Variants in TXNL1 observed in about 807,000 individuals in gnomAD.
The protein encoded by TXNL1 is thioredoxin like 1.
A neutral mutation model predicts 35.5 loss-of-function variants in TXNL1; 14 were observed. The observed-to-expected ratio is 0.39, with a 90% CI of 0.26 to 0.62. TXNL1 has a LOEUF of 0.62. Among genes scored for constraint, TXNL1 ranks in the 20% least tolerant of loss-of-function variants. The pLI is 0.47. For synonymous variants in TXNL1, 110 were observed against 115.5 expected (o/e 0.95, Z 0.31); for missense variants, 263 against 349.7 (o/e 0.75, Z 1.98).
At chr18:56,604,728 A>G (rs1044333411) in intron 7 of TXNL1, among the ~76,000 whole-genome samples, 4 of 152,204 alleles carry the variant, frequency 2.6e-5, no homozygotes, top group Non-Finnish European at 5.9e-5. Context: ...AAAGCAGAGG[A>G]CATGCCCCAA....
intron 1 of TXNL1, among the ~76,000 whole-genome samples, chr18:56,635,783 C>T (rs368728498): frequency 8.4e-4 from 128 of 152,146 alleles, no homozygotes; most frequent in Non-Finnish European, 1.7e-3. Flanking sequence ...GGATTAGTTT[C>T]AGGACCTCCA....
intron 6 of TXNL1, 61 bp from the exon 7 acceptor site, chr18:56,611,158 T>A: frequency 1.8e-6 from 2 of 1,122,288 alleles, no homozygotes; most frequent in Non-Finnish European, 2.6e-6. Context: ...GCTTTAAGTT[T>A]AATCAATTTC....
intron 7 of TXNL1, among the ~76,000 whole-genome samples, chr18:56,606,575 T>G (rs2023897233): frequency 6.6e-6 from 1 of 152,130 alleles, no homozygotes; most frequent in Non-Finnish European, 1.5e-5. Flanking sequence ...CTGTCCAAAT[T>G]CTACTCTCAA....
intron 1 of TXNL1, among the ~76,000 whole-genome samples, chr18:56,628,869 G>A (rs922073085): frequency 2.0e-5 from 3 of 152,160 alleles, no homozygotes; most frequent in Non-Finnish European, 4.4e-5. Context: ...TAAAACTCAA[G>A]TTGTGATCAA....
intron 5 of TXNL1, among the ~76,000 whole-genome samples, chr18:56,615,470 T>TGGGGG (rs5825193): frequency 7.3e-6 from 1 of 136,324 alleles, no homozygotes. Flanking sequence ...AAAGAAAAAA[T>TGGGGG]GGGGGGGGGC....
In TXNL1 at chr18:56,599,771, C is replaced by G. The variant is rs1427431861; in HGVS notation, c.*3256G>C. 2 of 152,046 alleles carry G rather than the reference C, an allele frequency of 1.3e-5. No individual in the cohort carries two copies. The highest frequency in any genetic ancestry group is 2.9e-5 in the Non-Finnish European group (2 of 68,030). The allele number at this position is 152,046 out of a possible 1,614,324, so 9.4% of individuals were successfully genotyped here. A position where few individuals can be genotyped will look rare whatever the true frequency, so the allele number is the denominator to read the frequency against. ...ACAGGGTTTCTCCATGTTAGCCAGG[C>G]TGGTCTCAAACTCCTGACCTCAAGT... On this transcript the variant is annotated 3_prime_UTR_variant, in exon 8 of 8. Coordinates refer to ENST00000217515, the MANE Select transcript of TXNL1 (RefSeq NM_004786.3).
chr18:56,626,416 A>C lies in TXNL1; in HGVS notation c.140T>G (p.Met47Arg). Residue 47 changes from methionine (M) to arginine (R), a missense_variant, in exon 2 of 8, where the codon ATG becomes AGG. Transcript: ENST00000217515. The stretch of plus-strand genomic sequence containing the variant: ...AACAGCCTGTGGATATTTATTACTC[A>C]TAGAACTGAATGCTGGGGCAATCCT... Reference protein sequence around the residue: ...CLRIAPAFSSMSNKYPQAVFL... With the variant: ...CLRIAPAFSSRSNKYPQAVFL... 1.2e-6 allele frequency: 2 copies of C among 1,613,864 alleles called. No homozygotes were observed. Among genetic ancestry groups the C allele is most frequent in the Non-Finnish European group, 1.7e-6 (2 of 1,179,846 alleles).
chr18:56,616,669 G>A (rs1239883041), intron 4 of TXNL1, among the ~76,000 whole-genome samples: 1 of 152,164 alleles, frequency 6.6e-6, no homozygotes, highest in Non-Finnish European at 1.5e-5. Flanking sequence ...TTAGCACATA[G>A]CTCTACGATG....
chr18:56,631,750 G>A (rs954325340), intron 1 of TXNL1, among the ~76,000 whole-genome samples: 9 of 151,968 alleles, frequency 5.9e-5, no homozygotes, highest in Admixed American at 1.3e-4. Context: ...TGAAACCCCC[G>A]TCTCTACTAA....
chr18:56,611,016 T>C lies in TXNL1; in HGVS notation c.817A>G (p.Thr273Ala). ...FTFIGTPVQA[T>A]NMNDFKRVVG... is the part of the protein sequence containing the mutation. The stretch of plus-strand genomic sequence containing the variant: ...ACTCGTTTGAAGTCATTCATATTTG[T>C]TGCCTGGACTGGAGTACCAATAAAA... Residue 273 changes from threonine to alanine, a missense_variant, in exon 7 of 8, where the codon ACA becomes GCA. Thr to Ala is a moderately conservative substitution (Grantham distance 58). Transcript: ENST00000217515. 6.2e-7 allele frequency: 1 copy of C among 1,606,278 alleles called. No individual in the cohort carries two copies. Among genetic ancestry groups the C allele is most frequent in the Non-Finnish European group, 8.5e-7 (1 of 1,177,202 alleles).
At chr18:56,604,024 C>T (rs1166354276) in intron 7 of TXNL1, among the ~76,000 whole-genome samples, 2 of 152,232 alleles carry the variant, frequency 1.3e-5, no homozygotes, top group Non-Finnish European at 1.5e-5. Context: ...GGGTCAACAT[C>T]ATTCATGAGA....
intron 7 of TXNL1, chr18:56,609,874 C>T (rs768757968): frequency 3.9e-5 from 6 of 152,184 alleles, no homozygotes; most frequent in African/African-American, 9.7e-5. Context: ...AAGGTAATCA[C>T]GCTATGAGAC....
rs138428892 is a variant in TXNL1, at chr18:56,622,793, T to C, written c.369+1495A>G. On this transcript the variant is annotated intron_variant, in intron 3 of 7. Transcript: ENST00000217515. Reference sequence around the variant, plus strand: ...AAAAAATACAAAGATATAAACACAATGGTTTACAAGTTAAATGATTTCCAA... The same window carrying C: ...AAAAAATACAAAGATATAAACACAACGGTTTACAAGTTAAATGATTTCCAA... Among the ~76,000 whole-genome samples, 601 of 152,244 alleles carry C rather than the reference T, an allele frequency of 3.9e-3. 2 individuals carry two copies. Among genetic ancestry groups the C allele is most frequent in the Middle Eastern group, 0.017 (5 of 294 alleles).
At chr18:56,629,719 G>A (rs1455861500) in intron 1 of TXNL1, among the ~76,000 whole-genome samples, 2 of 152,148 alleles carry the variant, frequency 1.3e-5, no homozygotes, top group Non-Finnish European at 2.9e-5. Flanking sequence ...AGAATTTAGT[G>A]TTAACTGCAT....
At chr18:56,624,185 C>A (rs1212754970) in intron 3 of TXNL1, 103 bp downstream of exon 3, 2 of 1,275,582 alleles carry the variant, frequency 1.6e-6, no homozygotes, top group Non-Finnish European at 1.1e-6. Flanking sequence ...TATTCTAAAC[C>A]AGTAAGAGAT....
chr18:56,616,412 AC>A, intron 4 of TXNL1, 98 bp from the exon 5 acceptor site: 19 of 1,129,570 alleles, frequency 1.7e-5, no homozygotes, highest in Admixed American at 2.6e-5. Flanking sequence ...GAAAAAAAAA[AC>A]CAACCTAATT....
At chr18:56,621,507 T>C (rs1292939503) in intron 3 of TXNL1, among the ~76,000 whole-genome samples, 1 of 152,118 alleles carries the variant, frequency 6.6e-6, no homozygotes, top group Admixed American at 6.5e-5. Flanking sequence ...ACAAAACATA[T>C]TTAAAGGGGT....
chr18:56,611,824 G>GC (rs1351177355), intron 6 of TXNL1, among the ~76,000 whole-genome samples: 1 of 145,142 alleles, frequency 6.9e-6, no homozygotes, highest in Non-Finnish European at 1.5e-5. Context: ...CTCCTGAGTA[G>GC]CCCACCAGCA....
At chr18:56,629,040 T>C (rs562261192) in intron 1 of TXNL1, among the ~76,000 whole-genome samples, 1 of 152,354 alleles carries the variant, frequency 6.6e-6, no homozygotes, top group African/African-American at 2.4e-5. Flanking sequence ...GGCCACTGAT[T>C]GGGTCATATC....
Sources: allele counts gnomAD v4.1 joint callset (sites outside exome capture counted in the v4.1 genomes callset), GRCh38; gene constraint gnomAD v4.1.1; transcripts MANE v1.5; gene names NCBI Gene and HGNC (gene_info 2026-07-23, HGNC 2026-07-21).